Variants in PDE7B observed in about 807,000 individuals in gnomAD.
PDE7B encodes 3',5'-cyclic-AMP phosphodiesterase 7B.
A neutral mutation model predicts 56.2 loss-of-function variants in PDE7B; 29 were observed. The ratio of observed to expected loss-of-function variants is 0.52; its 90% CI spans 0.38 to 0.70. The LOEUF (loss-of-function observed/expected upper bound fraction) is 0.70, where lower values mean the gene tolerates loss of function less well. Ranked by LOEUF, PDE7B falls within the 30% of genes least tolerant of loss-of-function variation. The pLI, the probability that PDE7B is intolerant of heterozygous loss-of-function variation, is 0.00. For synonymous variants in PDE7B, 197 were observed against 196.9 expected (o/e 1.00, Z 0.00); for missense variants, 490 against 565.0 (o/e 0.87, Z 1.35).
intron 3 of PDE7B, among the ~76,000 whole-genome samples, chr6:136,120,338 C>T (rs975356068): frequency 6.6e-6 from 1 of 152,266 alleles, no homozygotes; most frequent in East Asian, 1.9e-4. Context: ...GGTAGAGAGA[C>T]TGATGGCTGG....
At chr6:135,878,464 T>C (rs1201819239) in intron 1 of PDE7B, among the ~76,000 whole-genome samples, 1 of 152,210 alleles carries the variant, frequency 6.6e-6, no homozygotes, top group Non-Finnish European at 1.5e-5. Context: ...ACCATAAATG[T>C]AGGTCCACTT....
chr6:136,165,584 T>TC (rs1403065086), intron 8 of PDE7B: 8 of 152,156 alleles, frequency 5.3e-5, no homozygotes, highest in African/African-American at 1.9e-4. Context: ...GACCCAGGAT[T>TC]CTTTTAGTTC....
chr6:135,950,777 T>G (rs2018252), intron 2 of PDE7B, among the ~76,000 whole-genome samples: 61,618 of 152,016 alleles, frequency 0.41, 12,700 homozygotes, highest in Admixed American at 0.53. Flanking sequence ...CGAGTCCCCA[T>G]ATCATTCTGA....
intron 1 of PDE7B, among the ~76,000 whole-genome samples, chr6:135,884,305 T>G (rs1025075674): frequency 5.3e-5 from 8 of 152,210 alleles, no homozygotes; most frequent in Non-Finnish European, 1.0e-4. Flanking sequence ...ATTTTCAGAA[T>G]TTAAAGCATG....
In PDE7B at chr6:135,975,502, T is replaced by C. The variant is rs141626596; in HGVS notation, c.82+27978T>C. On this transcript the variant is annotated intron_variant, in intron 2 of 12. Coordinates refer to ENST00000308191, the MANE Select transcript of PDE7B (RefSeq NM_018945.4). ...CAAATCCAGCCCTTTCCCTACTGCC[T>C]TTGGACAGAGGAGTATGTAACTCAA... Among the ~76,000 whole-genome samples the C allele has an allele frequency of 4.7e-3, 713 of 152,254 alleles. 7 individuals carry two copies. Among genetic ancestry groups the C allele is most frequent in the African/African-American group, 0.016 (673 of 41,550 alleles).
At chr6:135,884,356 A>G (rs984201968) in intron 1 of PDE7B, among the ~76,000 whole-genome samples, 2 of 152,180 alleles carry the variant, frequency 1.3e-5, no homozygotes, top group Non-Finnish European at 2.9e-5. Context: ...ACTTGGTATC[A>G]CAATGTGCAA....
chr6:135,936,160 T>C (rs1774416386), intron 1 of PDE7B, among the ~76,000 whole-genome samples: 1 of 152,206 alleles, frequency 6.6e-6, no homozygotes, highest in South Asian at 2.1e-4. Context: ...TAATTGTTGG[T>C]TTATGTACAG....
At chr6:135,974,816 G>C (rs1199529103) in intron 2 of PDE7B, among the ~76,000 whole-genome samples, 1 of 152,166 alleles carries the variant, frequency 6.6e-6, no homozygotes, top group East Asian at 1.9e-4. Context: ...CTGATCCAAA[G>C]GTTCAAAATC....
In PDE7B at chr6:136,044,136, A is replaced by G. The variant is rs182316273; in HGVS notation, c.83-64595A>G. 1.5e-3 allele frequency: 228 copies of G among 152,244 alleles called. 2 individuals are homozygous for G. Among genetic ancestry groups the G allele is most frequent in the African/African-American group, 5.1e-3 (213 of 41,550 alleles). 9.4% of individuals were successfully genotyped at this position (152,244 alleles called of 1,614,324 possible). ...CGCTCGTATGCTAGCCCCTTCATGA[A>G]TCCCTCCTGAGATTACTGAAGGAAA... On this transcript the variant is annotated intron_variant, in intron 2 of 12. Transcript: ENST00000308191.
chr6:135,988,683 T>C (rs1169370546), intron 2 of PDE7B, among the ~76,000 whole-genome samples: 1 of 152,210 alleles, frequency 6.6e-6, no homozygotes, highest in Non-Finnish European at 1.5e-5. Context: ...GGAAGTGTTC[T>C]GATCAAGTGG....
At chr6:135,986,350 G>T (rs537802127) in intron 2 of PDE7B, among the ~76,000 whole-genome samples, 1 of 152,286 alleles carries the variant, frequency 6.6e-6, no homozygotes, top group East Asian at 1.9e-4. Flanking sequence ...TTGCAAAATG[G>T]CAGCCTTTAA....
At chr6:135,916,368 T>TTTTTC (rs1204502963) in intron 1 of PDE7B, among the ~76,000 whole-genome samples, 1 of 146,606 alleles carries the variant, frequency 6.8e-6, no homozygotes, top group Non-Finnish European at 1.5e-5. Context: ...TTTTGCCCTT[T>TTTTTC]TTTTCTTTTC....
At chr6:136,164,854 A>C (rs918905596) in intron 8 of PDE7B, among the ~76,000 whole-genome samples, 1 of 152,222 alleles carries the variant, frequency 6.6e-6, no homozygotes. Context: ...TAAATTATTC[A>C]TGTGGATTTT....
At chr6:135,945,869 C>A (rs1317227382) in intron 1 of PDE7B, among the ~76,000 whole-genome samples, 1 of 151,998 alleles carries the variant, frequency 6.6e-6, no homozygotes, top group Non-Finnish European at 1.5e-5. Context: ...GTACAAAGGG[C>A]CATTTTTATA....
chr6:136,169,034 G>C (rs1704227903), intron 8 of PDE7B, among the ~76,000 whole-genome samples: 1 of 152,160 alleles, frequency 6.6e-6, no homozygotes, highest in Non-Finnish European at 1.5e-5. Context: ...GCTTAGGTTT[G>C]AGTCTGCAGG....
intron 2 of PDE7B, chr6:136,049,578 CTTTG>C (rs1180180670): frequency 2.0e-5 from 3 of 152,228 alleles, no homozygotes; most frequent in Non-Finnish European, 2.9e-5. Context: ...TTAACTGACT[CTTTG>C]TTGGTTGACC....
At chr6:135,915,303 G>A (rs1027531244) in intron 1 of PDE7B, among the ~76,000 whole-genome samples, 11 of 152,134 alleles carry the variant, frequency 7.2e-5, no homozygotes, top group African/African-American at 2.2e-4. Flanking sequence ...TAAATTCTTC[G>A]GAGTGGAATT....
chr6:136,066,698 T>C (rs1776941867), intron 2 of PDE7B, among the ~76,000 whole-genome samples: 1 of 152,088 alleles, frequency 6.6e-6, no homozygotes, highest in Admixed American at 6.5e-5. Context: ...ATAAATACTC[T>C]TTAAAAAGAA....
At chr6:136,111,304 C>T (rs1777743751) in intron 3 of PDE7B, among the ~76,000 whole-genome samples, 1 of 152,056 alleles carries the variant, frequency 6.6e-6, no homozygotes, top group Admixed American at 6.5e-5. Context: ...AGTTAACTGA[C>T]CAATTATTAA....
Sources: gnomAD v4.1 joint callset for allele counts (sites outside exome capture counted in the v4.1 genomes callset) on GRCh38, gnomAD v4.1.1 for gene constraint, MANE v1.5 for transcripts, NCBI Gene and HGNC (gene_info 2026-07-23, HGNC 2026-07-21) for gene names.